ANO3: variants seen among roughly 807,000 people sequenced by gnomAD.
ANO3 encodes anoctamin 3.
ANO3 carries 99 observed loss-of-function variants against 144.8 expected under a neutral mutation model. That is an observed-to-expected ratio of 0.68 (90% CI 0.58 to 0.81). ANO3 has a LOEUF of 0.81. Ranked by LOEUF, ANO3 falls within the 30% of genes least tolerant of loss-of-function variation. ANO3 has a pLI of 0.00. For missense variants in ANO3, 905 were observed against 1,202.2 expected (o/e 0.75, Z 3.66); for synonymous variants, 414 against 392.6 (o/e 1.05, Z -0.64).
At chr11:26,269,167 G>T (rs893984752) in intron 1 of ANO3, among the ~76,000 whole-genome samples, 2 of 152,134 alleles carry the variant, frequency 1.3e-5, no homozygotes, top group Admixed American at 6.5e-5. Flanking sequence ...TCAGGACTCA[G>T]CTCCCTCCAC....
intron 21 of ANO3, among the ~76,000 whole-genome samples, chr11:26,639,752 G>A (rs1853085895): frequency 6.6e-6 from 1 of 152,064 alleles, no homozygotes; most frequent in Non-Finnish European, 1.5e-5. Flanking sequence ...CAAAACAATA[G>A]CATTCTATTT....
intron 10 of ANO3, among the ~76,000 whole-genome samples, chr11:26,539,260 G>A (rs1352261605): frequency 6.6e-6 from 1 of 151,800 alleles, no homozygotes; most frequent in African/African-American, 2.4e-5. Context: ...GGTCAGAGGA[G>A]GCCAGTCATG....
intron 9 of ANO3, 93 bp from the exon 10 acceptor site, chr11:26,537,313 A>G (rs1590483855): frequency 2.9e-6 from 3 of 1,037,174 alleles, no homozygotes; most frequent in Non-Finnish European, 4.5e-6. Flanking sequence ...TAAACTTTTT[A>G]ATCGATTCAT....
chr11:26,254,914 C>T (rs567093793), intron 1 of ANO3, among the ~76,000 whole-genome samples: 1 of 152,216 alleles, frequency 6.6e-6, no homozygotes, highest in South Asian at 2.1e-4. Context: ...TTGAGATTGT[C>T]CTCAATATCC....
intron 1 of ANO3, among the ~76,000 whole-genome samples, chr11:26,295,359 A>C (rs1413893037): frequency 6.6e-6 from 1 of 151,724 alleles, no homozygotes; most frequent in African/African-American, 2.4e-5. Context: ...TCTACTAAAA[A>C]TAAAAATAAA....
At chr11:26,507,143 A>T (rs1370698968) in intron 4 of ANO3, among the ~76,000 whole-genome samples, 1 of 152,204 alleles carries the variant, frequency 6.6e-6, no homozygotes, top group East Asian at 1.9e-4. Flanking sequence ...GATCTTGGGC[A>T]ATGTACTGGA....
At chr11:26,469,991 T>G (rs1859723659) in intron 4 of ANO3, among the ~76,000 whole-genome samples, 2 of 151,954 alleles carry the variant, frequency 1.3e-5, no homozygotes, top group African/African-American at 4.8e-5. Context: ...TGCTGGCCAA[T>G]ATGTACATTG....
exon 1 of ANO3, chr11:26,189,182 A>C (rs1851429008): frequency 1.0e-6 from 1 of 984,674 alleles, no homozygotes; most frequent in Non-Finnish European, 1.2e-6. Context: ...TTGCAATGTC[A>C]GTTTTAAAAT....
intron 1 of ANO3, among the ~76,000 whole-genome samples, chr11:26,282,739 T>G (rs1027131612): frequency 2.6e-5 from 4 of 152,172 alleles, no homozygotes; most frequent in Non-Finnish European, 5.9e-5. Context: ...CAGGGAAGAT[T>G]CAGGTTTCAT....
In ANO3 at chr11:26,441,958, G is replaced by A. The variant is rs374120345; in HGVS notation, c.87G>A (p.Ser29=). The change falls in exon 2 of 27, where the codon TCG becomes TCA. Residue 29 remains serine (S), a synonymous_variant. Coordinates refer to ENST00000256737, the MANE Select transcript of ANO3 (RefSeq NM_031418.4). Reference sequence around the variant, plus strand: ...AGAGTGAGATAACAAAAGAAACTTCGTTAAAACCGTCTCGGAGATCCCTGC... The same window carrying A: ...AGAGTGAGATAACAAAAGAAACTTCATTAAAACCGTCTCGGAGATCCCTGC... ...ISKSEITKET[S]LKPSRRSLPC... is the part of the protein sequence containing the mutation. 2.5e-6 allele frequency: 4 copies of A among 1,613,716 alleles called. No individual in the cohort carries two copies. In the South Asian group the frequency reaches 3.3e-5, roughly 13 times the overall value.
Position 26,589,420 on chromosome 11 carries a change from T to A in ANO3, c.1448-8945T>A, listed in dbSNP as rs562771124. Among the ~76,000 whole-genome samples the A allele has an allele frequency of 5.9e-5, 9 of 152,116 alleles. No individual in the cohort carries two copies. The South Asian group carries it at 1.9e-3, about 32-fold the overall frequency. On this transcript the variant is annotated intron_variant, in intron 14 of 26. Coordinates refer to ENST00000256737, the MANE Select transcript of ANO3 (RefSeq NM_031418.4). Reference sequence around the variant, plus strand: ...CCTCAGTACCCCAATTTTCTTTTTTTTTTTTTTTAGTTTCTACAAATAATT... The same window carrying A: ...CCTCAGTACCCCAATTTTCTTTTTTATTTTTTTTAGTTTCTACAAATAATT...
At chr11:26,649,429 C>T (rs958206504) in intron 24 of ANO3, among the ~76,000 whole-genome samples, 3 of 152,076 alleles carry the variant, frequency 2.0e-5, no homozygotes, top group African/African-American at 7.2e-5. Context: ...TTAATCTGGA[C>T]CTAGTTGGTT....
chr11:26,508,000 C>T, intron 4 of ANO3, 104 bp from the exon 5 acceptor site: 1 of 991,270 alleles, frequency 1.0e-6, no homozygotes, highest in South Asian at 1.8e-5. Context: ...ATTAAAAATA[C>T]ATTTTTTGAT....
intron 1 of ANO3, among the ~76,000 whole-genome samples, chr11:26,410,996 C>CTATTGGCTAAAATAGGATAGCAA (rs1857415915): frequency 6.6e-6 from 1 of 151,916 alleles, no homozygotes; most frequent in Non-Finnish European, 1.5e-5. Flanking sequence ...TTATCTGGCT[C>CTATTGGCTAAAATAGGATAGCAA]TAGGATAAAT....
chr11:26,471,841 G>T (rs1859794905), intron 4 of ANO3, among the ~76,000 whole-genome samples: 1 of 151,992 alleles, frequency 6.6e-6, no homozygotes, highest in East Asian at 1.9e-4. Flanking sequence ...AGTCAAAGGT[G>T]TTTTCTCTCC....
At chr11:26,567,415 A>T (rs2134275575) in intron 14 of ANO3, among the ~76,000 whole-genome samples, 1 of 151,982 alleles carries the variant, frequency 6.6e-6, no homozygotes, top group African/African-American at 2.4e-5. Context: ...GCTCTCTGAA[A>T]TTTTTACAAA....
chr11:26,473,864 C>G (rs1344345720), intron 4 of ANO3: 4 of 916,220 alleles, frequency 4.4e-6, no homozygotes, highest in African/African-American at 1.8e-5. Flanking sequence ...ATAAAAAATA[C>G]AGATGTTCTT....
chr11:26,474,425 T>C (rs1361380818), intron 4 of ANO3, among the ~76,000 whole-genome samples: 1 of 151,936 alleles, frequency 6.6e-6, no homozygotes, highest in Non-Finnish European at 1.5e-5. Context: ...TAAAATGGTT[T>C]TTTATTCAAA....
intron 1 of ANO3, among the ~76,000 whole-genome samples, chr11:26,412,289 A>C (rs1051615355): frequency 6.6e-6 from 1 of 151,990 alleles, no homozygotes; most frequent in African/African-American, 2.4e-5. Context: ...AGCATTATAT[A>C]TGTAAATGGT....
Sources: gnomAD v4.1 joint callset for allele counts (sites outside exome capture counted in the v4.1 genomes callset) on GRCh38, gnomAD v4.1.1 for gene constraint, MANE v1.5 for transcripts, NCBI Gene and HGNC (gene_info 2026-07-23, HGNC 2026-07-21) for gene names.